Variants in DOCK7 observed in about 807,000 individuals in gnomAD.
DOCK7 encodes the protein dedicator of cytokinesis 7.
A neutral mutation model predicts 271.0 loss-of-function variants in DOCK7; 138 were observed. That is an observed-to-expected ratio of 0.51 (90% CI 0.44 to 0.59). The LOEUF (loss-of-function observed/expected upper bound fraction) is 0.59. DOCK7 is among the 20% of genes least tolerant of loss of function. The pLI is 0.00. For synonymous variants in DOCK7, 823 were observed against 876.1 expected (o/e 0.94, Z 1.07); for missense variants, 2,066 against 2,592.4 (o/e 0.80, Z 4.41).
intron 12 of DOCK7, among the ~76,000 whole-genome samples, chr1:62,624,782 T>G (rs1460370947): frequency 6.6e-6 from 1 of 152,120 alleles, no homozygotes; most frequent in Non-Finnish European, 1.5e-5. Context: ...GAGACCAGCC[T>G]GGCCAACATT....
At chr1:62,617,155 C>A (rs1313525325) in intron 14 of DOCK7, among the ~76,000 whole-genome samples, 1 of 149,224 alleles carries the variant, frequency 6.7e-6, no homozygotes, top group Non-Finnish European at 1.5e-5. Context: ...TCTAAGATGA[C>A]AATTGTACAG....
intron 15 of DOCK7, chr1:62,584,643 C>CCTA (rs1647286953): frequency 7.6e-7 from 1 of 1,322,250 alleles, no homozygotes. Context: ...TACTTTTAAT[C>CCTA]ATTTAGCAAT....
At chr1:62,471,121 A>G (rs1363721331) in intron 48 of DOCK7, among the ~76,000 whole-genome samples, 2 of 152,158 alleles carry the variant, frequency 1.3e-5, no homozygotes, top group Non-Finnish European at 2.9e-5. Flanking sequence ...TCTTTTCTCT[A>G]GCTTACTTTA....
In DOCK7 at chr1:62,647,684, T is replaced by C. The variant is rs2149677631; in HGVS notation, c.818+7A>G. 6.3e-7 allele frequency: 1 copy of C among 1,575,334 alleles called. No homozygotes were observed. Among genetic ancestry groups the C allele is most frequent in the South Asian group, 1.2e-5 (1 of 85,730 alleles). On this transcript the variant is annotated splice_region_variant and intron_variant, in intron 7 of 49. Transcript: ENST00000635253. ...AAAAGTTGTAAGTAAAAGAAATAAA[T>C]ACTCACTTGAGTGATAAGCATTTTA...
chr1:62,615,839 CG>C (rs1652370622), intron 14 of DOCK7, among the ~76,000 whole-genome samples: 1 of 151,658 alleles, frequency 6.6e-6, no homozygotes, highest in Non-Finnish European at 1.5e-5. Flanking sequence ...CACTGAGATA[CG>C]TTAAATGATC....
chr1:62,557,035 T>A (rs1246791199), intron 20 of DOCK7, among the ~76,000 whole-genome samples: 4 of 150,796 alleles, frequency 2.7e-5, no homozygotes, highest in Non-Finnish European at 5.9e-5. Flanking sequence ...GTATAAAGCA[T>A]GAAAGTTCTC....
At chr1:62,685,653 T>G (rs188992672) in intron 1 of DOCK7, among the ~76,000 whole-genome samples, 152 of 152,276 alleles carry the variant, frequency 1.0e-3, no homozygotes, top group Non-Finnish European at 9.6e-4. Flanking sequence ...TATTTCTCTC[T>G]GAATGATTCA....
At position 62,505,780 on chromosome 1, in the gene DOCK7, C is replaced by T. The variant is rs757475659; in HGVS notation, c.4513G>A (p.Gly1505Ser). The T allele has an allele frequency of 6.2e-7, 1 of 1,612,722 alleles. No individual in the cohort carries two copies. Among genetic ancestry groups the T allele is most frequent in the South Asian group, 1.1e-5 (1 of 90,926 alleles). ...SVTESKESIL[G>S]GVLKVLLHSM... is the part of the protein sequence containing the mutation. ...TGTAGTAGCACTTTTAGCACTCCAC[C>T]AAGAATGCTCTCTTTGGATTCCGTT... Residue 1505 changes from glycine (G) to serine (S), a missense_variant, in exon 36 of 50, where the codon GGT becomes AGT. By Grantham distance (56) the Gly-to-Ser change is moderately conservative. Around this residue, in one of 2 missense-constraint regions of DOCK7, gnomAD observed 652 missense variants for 922.1 expected, o/e 0.71. Coordinates refer to ENST00000635253, the MANE Select transcript of DOCK7 (RefSeq NM_001367561.1).
Position 62,663,044 on chromosome 1 carries a change from T to C in DOCK7, c.125A>G (p.Asn42Ser), listed in dbSNP as rs143701798. The change falls in exon 2 of 50, where the codon AAT (asparagine) becomes AGT (serine). Residue 42 changes from asparagine to serine, a missense_variant. Physicochemically the swap from Asn to Ser is conservative, Grantham distance 46. Around this residue, in one of 2 missense-constraint regions of DOCK7, gnomAD observed 1,414 missense variants for 1,670.4 expected, o/e 0.85. Coordinates refer to ENST00000635253, the MANE Select transcript of DOCK7 (RefSeq NM_001367561.1). ...QLLKNLNIVG[N>S]ISHHTTVPLT... ...ACTTACTGTGGTGTGATGGGATATA[T>C]TGCCAACAATATTAAGGTTTTTGAG... The C allele has an allele frequency of 2.3e-4, 377 of 1,613,560 alleles. 2 individuals carry two copies. The African/African-American group carries it at 3.8e-3, about 16-fold the overall frequency.
Position 62,537,940 on chromosome 1 carries a change from A to C in DOCK7, c.3422T>G (p.Leu1141Arg). Residue 1141 changes from leucine to arginine, a missense_variant, in exon 28 of 50, where the codon CTT becomes CGT. Physicochemically the swap from Leu to Arg is moderately radical, Grantham distance 102. Transcript: ENST00000635253. ...AGGTGATGGAGATGCAGGTGGAGTA[A>C]GTAAGCTGCAGGGTAAGTTTAATGT... ...YVTLNLPCSL[L>R]TPPASPSPSV... 6.2e-7 allele frequency: 1 copy of C among 1,614,024 alleles called. No individual in the cohort carries two copies. The highest frequency in any genetic ancestry group is 1.3e-5 in the African/African-American group (1 of 75,054).
chr1:62,510,390 C>G (rs924323545), intron 34 of DOCK7, among the ~76,000 whole-genome samples, 187 bp downstream of exon 34: 1 of 152,064 alleles, frequency 6.6e-6, no homozygotes, highest in Non-Finnish European at 1.5e-5. Context: ...TACTATACCA[C>G]GAGAAGTTCT....
chr1:62,653,465 C>A (rs1051014057), intron 4 of DOCK7, among the ~76,000 whole-genome samples: 2 of 152,100 alleles, frequency 1.3e-5, no homozygotes, highest in Non-Finnish European at 2.9e-5. Flanking sequence ...ACCACAAAAT[C>A]ATTATCATAC....
At chr1:62,504,900 G>C in intron 36 of DOCK7, 118 bp from the exon 37 acceptor site, 1 of 1,228,500 alleles carries the variant, frequency 8.1e-7, no homozygotes, top group African/African-American at 1.5e-5. Context: ...AGAATGGTTA[G>C]GACAATATTA....
At chr1:62,652,395 A>G (rs558236101) in intron 4 of DOCK7, among the ~76,000 whole-genome samples, 2 of 152,252 alleles carry the variant, frequency 1.3e-5, no homozygotes, top group South Asian at 4.2e-4. Flanking sequence ...TATCTAGTAT[A>G]ATAGAAAAAA....
chr1:62,455,922 TTAAAAC>T (rs1185862930), intron 49 of DOCK7, among the ~76,000 whole-genome samples: 8 of 151,850 alleles, frequency 5.3e-5, no homozygotes, highest in African/African-American at 1.5e-4. Flanking sequence ...ATATCAGAAA[TTAAAAC>T]TAAGAACATC....
At chr1:62,682,914 G>A (rs1557905544) in intron 1 of DOCK7, among the ~76,000 whole-genome samples, 2 of 152,144 alleles carry the variant, frequency 1.3e-5, no homozygotes, top group Non-Finnish European at 2.9e-5. Context: ...GGTGGCAAGA[G>A]AGAATTTCAA....
At chr1:62,632,712 C>A (rs924028478) in intron 10 of DOCK7, among the ~76,000 whole-genome samples, 7 of 152,034 alleles carry the variant, frequency 4.6e-5, no homozygotes, top group Non-Finnish European at 1.0e-4. Flanking sequence ...TATGGTGGCT[C>A]ACATCTGTAA....
intron 18 of DOCK7, 55 bp downstream of exon 18, chr1:62,577,207 T>C (rs1277936941): frequency 1.8e-6 from 2 of 1,125,296 alleles, no homozygotes; most frequent in African/African-American, 1.6e-5. Flanking sequence ...AACATCTTTA[T>C]AGTAAAAAAC....
intron 48 of DOCK7, among the ~76,000 whole-genome samples, chr1:62,468,820 C>CA (rs897733061): frequency 8.6e-4 from 122 of 141,728 alleles, no homozygotes; most frequent in East Asian, 4.7e-3. Flanking sequence ...ATAATAGTTG[C>CA]AAAAAAAAAA....
Sources: allele counts gnomAD v4.1 joint callset (sites outside exome capture counted in the v4.1 genomes callset), GRCh38; gene constraint gnomAD v4.1.1; regional missense constraint gnomAD v4.1.1; transcripts MANE v1.5; gene names NCBI Gene and HGNC (gene_info 2026-07-23, HGNC 2026-07-21).